The following SPECC1 variants were observed in gnomAD, a reference collection of about 807,000 sequenced individuals.
SPECC1 encodes the protein sperm antigen with calponin homology and coiled-coil domains 1.
A neutral mutation model predicts 104.1 loss-of-function variants in SPECC1; 62 were observed. That is an observed-to-expected ratio of 0.60 (90% CI 0.49 to 0.74). The LOEUF (loss-of-function observed/expected upper bound fraction) is 0.74, where lower values mean the gene tolerates loss of function less well. SPECC1 is among the 30% of genes least tolerant of loss of function. The pLI, the probability that SPECC1 is intolerant of heterozygous loss-of-function variation, is 0.00. For synonymous variants in SPECC1, 513 were observed against 501.6 expected (o/e 1.02, Z -0.30); for missense variants, 1,306 against 1,310.5 (o/e 1.00, Z 0.05).
At chr17:20,048,924 G>A (rs958850518) in intron 1 of SPECC1, among the ~76,000 whole-genome samples, 4 of 151,792 alleles carry the variant, frequency 2.6e-5, no homozygotes, top group Admixed American at 6.6e-5. Flanking sequence ...CAGACATATC[G>A]CTTAAAAATT....
intron 14 of SPECC1, among the ~76,000 whole-genome samples, chr17:20,309,541 C>T (rs1238213042): frequency 1.3e-5 from 2 of 151,980 alleles, no homozygotes; most frequent in Non-Finnish European, 2.9e-5. Flanking sequence ...TCAGCCCTTG[C>T]CTCCCTCCCT....
At chr17:20,062,814 G>A (rs2046233737) in intron 1 of SPECC1, among the ~76,000 whole-genome samples, 1 of 151,552 alleles carries the variant, frequency 6.6e-6, no homozygotes, top group Admixed American at 6.6e-5. Flanking sequence ...TCAGCCTCCC[G>A]AGTAGCAAGG....
At chr17:20,276,806 G>A (rs575223691) in intron 12 of SPECC1, among the ~76,000 whole-genome samples, 14 of 152,334 alleles carry the variant, frequency 9.2e-5, no homozygotes, top group South Asian at 2.1e-4. Context: ...CTACAGAGCC[G>A]GCTGCATTAG....
intron 1 of SPECC1, among the ~76,000 whole-genome samples, chr17:20,034,441 G>A (rs2044972665): frequency 6.6e-6 from 1 of 151,846 alleles, no homozygotes; most frequent in Admixed American, 6.6e-5. Context: ...CTACAGAAAA[G>A]TTGAAAGAAT....
At chr17:20,144,945 A>T (rs959074908) in intron 3 of SPECC1, among the ~76,000 whole-genome samples, 1 of 152,194 alleles carries the variant, frequency 6.6e-6, no homozygotes. Flanking sequence ...TTTCATTTAG[A>T]TTATAGCAAG....
At chr17:20,067,962 T>C (rs1425376981) in intron 1 of SPECC1, among the ~76,000 whole-genome samples, 1 of 152,178 alleles carries the variant, frequency 6.6e-6, no homozygotes, top group East Asian at 1.9e-4. Flanking sequence ...AATTATACAA[T>C]AGATGGTCTT....
chr17:20,298,948 A>AGAGAGAGAGAGAGTGTGTGTGTGG, intron 13 of SPECC1, among the ~76,000 whole-genome samples: 1 of 49,072 alleles, frequency 2.0e-5, no homozygotes, highest in Non-Finnish European at 3.7e-5. Context: ...AGAGAGAGAG[A>AGAGAGAGAGAGAGTGTGTGTGTGG]GTGTGTGTGT....
intron 3 of SPECC1, among the ~76,000 whole-genome samples, chr17:20,141,200 A>G (rs1012531772): frequency 6.6e-6 from 1 of 152,120 alleles, no homozygotes; most frequent in Admixed American, 6.5e-5. Flanking sequence ...TTTTCCTTTA[A>G]AAACCCTTCT....
intron 13 of SPECC1, among the ~76,000 whole-genome samples, chr17:20,301,977 G>A (rs1178194030): frequency 6.6e-6 from 1 of 151,570 alleles, no homozygotes; most frequent in Non-Finnish European, 1.5e-5. Context: ...ATAGTTCTGG[G>A]ATTACAGTGG....
intron 1 of SPECC1, among the ~76,000 whole-genome samples, chr17:20,065,254 C>T (rs926952090): frequency 3.3e-5 from 5 of 152,144 alleles, no homozygotes; most frequent in South Asian, 2.1e-4. Flanking sequence ...TCAACTCTGA[C>T]GCTGTCTACC....
intron 1 of SPECC1, among the ~76,000 whole-genome samples, chr17:20,092,023 A>G (rs1489338148): frequency 6.6e-6 from 1 of 152,106 alleles, no homozygotes; most frequent in Admixed American, 6.5e-5. Context: ...CCAGCGCCTA[A>G]TTGTATTCCT....
intron 3 of SPECC1, among the ~76,000 whole-genome samples, chr17:20,193,698 A>G (rs1301834952): frequency 1.3e-5 from 2 of 152,244 alleles, no homozygotes; most frequent in Non-Finnish European, 1.5e-5. Flanking sequence ...CACAAAAAGT[A>G]TAACAGCAAT....
rs565973584 is a variant in SPECC1 at position 20,207,319 on chromosome 17, G to A, written c.1863+1407G>A. 3.5e-4 allele frequency among the ~76,000 whole-genome samples: 53 copies of A among 152,254 alleles called. No individual in the cohort carries two copies. The South Asian group carries it at 0.011, about 31-fold the overall frequency. On this transcript the variant is annotated intron_variant, in intron 4 of 14. Transcript: ENST00000395527. ...GTCATGTTAAGGAGTTTCTCTCTTT[G>A]TCTGTATTCTAAATTTGTAGGTATT...
intron 12 of SPECC1, among the ~76,000 whole-genome samples, chr17:20,292,565 G>C (rs997604919): frequency 6.6e-6 from 1 of 152,148 alleles, no homozygotes; most frequent in African/African-American, 2.4e-5. Context: ...CCTGACGTCA[G>C]GTGATCCGCT....
intron 2 of SPECC1, among the ~76,000 whole-genome samples, chr17:20,104,761 AAAAAAG>A (rs2048114246): frequency 4.0e-5 from 6 of 149,890 alleles, no homozygotes; most frequent in Admixed American, 6.6e-5. Context: ...AAAAAAAAAA[AAAAAAG>A]AAAAAAAAAT....
chr17:20,050,688 T>C (rs116101895), intron 1 of SPECC1, among the ~76,000 whole-genome samples: 17 of 152,302 alleles, frequency 1.1e-4, no homozygotes, highest in African/African-American at 4.1e-4. Flanking sequence ...CCTGGCTCCT[T>C]GGTAATGTGG....
chr17:20,227,264 G>A lies in SPECC1; in HGVS notation c.1864-149G>A, dbSNP rs141493014. 26 of 702,782 alleles carry A rather than the reference G, an allele frequency of 3.7e-5. No homozygotes were observed. In the African/African-American group the frequency reaches 3.9e-4, roughly 10 times the overall value. 43.5% of individuals were successfully genotyped at this position (702,782 alleles called of 1,614,324 possible). A position where few individuals can be genotyped will look rare whatever the true frequency, so the allele number is the denominator to read the frequency against. The stretch of plus-strand genomic sequence containing the variant: ...GCTGCTGACTTGTGGGGAGCTTTTC[G>A]TAATGTTTTATTTTAGATTGAAGAG... On this transcript the variant is annotated intron_variant, in intron 4 of 14. Coordinates refer to ENST00000395527, the MANE Select transcript of SPECC1 (RefSeq NM_001243439.2).
At position 20,164,457 on chromosome 17, in the gene SPECC1, C is replaced by T. The variant is rs1040630463; in HGVS notation, c.284-39876C>T. 3.3e-5 allele frequency among the ~76,000 whole-genome samples: 5 copies of T among 151,992 alleles called. No individual in the cohort carries two copies. In the East Asian group the frequency reaches 9.6e-4, roughly 29 times the overall value. ...GTTGACATTTGCCACCATGCCTGGC[C>T]CCATATAATTTTTGGGGTTGTCTTC... is the stretch of plus-strand genomic sequence containing the variant. On this transcript the variant is annotated intron_variant, in intron 3 of 14. Transcript: ENST00000395527.
intron 4 of SPECC1, among the ~76,000 whole-genome samples, chr17:20,207,601 C>A (rs2036870450): frequency 1.3e-5 from 2 of 152,030 alleles, no homozygotes; most frequent in Admixed American, 1.3e-4. Context: ...TTATTTTTTT[C>A]TGATCATAAA....
Sources: allele counts gnomAD v4.1 joint callset (sites outside exome capture counted in the v4.1 genomes callset), GRCh38; gene constraint gnomAD v4.1.1; transcripts MANE v1.5; gene names NCBI Gene and HGNC (gene_info 2026-07-23, HGNC 2026-07-21).